The following ENG variants were observed in gnomAD, a reference collection of about 807,000 sequenced individuals.
The protein encoded by ENG is endoglin, also known as CD105 antigen.
In ENG, 17 loss-of-function variants were observed where a neutral mutation model predicts 71.0. The observed-to-expected ratio is 0.24, with a 90% CI of 0.16 to 0.36. The LOEUF (loss-of-function observed/expected upper bound fraction) is 0.36. ENG is among the 10% of genes least tolerant of loss of function. The pLI, the probability that ENG is intolerant of heterozygous loss-of-function variation, is 1.00. For missense variants in ENG, 749 were observed against 868.3 expected, an observed-to-expected ratio of 0.86 and a Z score of 1.73; for synonymous variants, 360 against 366.9, an observed-to-expected ratio of 0.98 and a Z score of 0.21.
intron 2 of ENG, 55 bp downstream of exon 2, chr9:127,843,039 A>T (rs1227609204): frequency 1.2e-6 from 2 of 1,612,074 alleles, no homozygotes; most frequent in Admixed American, 3.3e-5. Context: ...CCCTCACCCC[A>T]TCTGCCTTGG....
chr9:127,828,504 C>T (rs1791615800), intron 3 of ENG, among the ~76,000 whole-genome samples: 1 of 152,202 alleles, frequency 6.6e-6, no homozygotes, highest in Non-Finnish European at 1.5e-5. Flanking sequence ...CCGGCGGCTA[C>T]TGCGACCTTC....
At chr9:127,824,655 A>T in intron 7 of ENG, 145 bp downstream of exon 7, 1 of 1,125,758 alleles carries the variant, frequency 8.9e-7, no homozygotes, top group African/African-American at 1.6e-5. Context: ...AGCTACTCCC[A>T]TTGTTCCCAT....
chr9:127,841,447 G>A (rs1223168385), intron 2 of ENG, among the ~76,000 whole-genome samples: 4 of 151,474 alleles, frequency 2.6e-5, no homozygotes, highest in East Asian at 1.9e-4. Context: ...CAAACAATGC[G>A]AACTAACAGA....
intron 3 of ENG, 61 bp downstream of exon 3, chr9:127,829,626 T>C (rs1830709849): frequency 6.2e-7 from 1 of 1,606,840 alleles, no homozygotes. Context: ...CCCACAGAGA[T>C]GGACAGTAGG....
chr9:127,825,515 G>GCCA (rs1330596769), intron 5 of ENG, among the ~76,000 whole-genome samples, 158 bp from the exon 6 acceptor site: 6 of 151,454 alleles, frequency 4.0e-5, no homozygotes, highest in African/African-American at 1.5e-4. Flanking sequence ...CAAAGGGAAG[G>GCCA]GGCCCATAGG....
chr9:127,819,582 C>T, intron 10 of ENG, 40 bp downstream of exon 10: 1 of 1,611,982 alleles, frequency 6.2e-7, no homozygotes. Flanking sequence ...CAGCAGCAGC[C>T]CCTGGGCCAG....
chr9:127,850,325 G>A (rs1203035248), intron 1 of ENG, among the ~76,000 whole-genome samples: 2 of 152,238 alleles, frequency 1.3e-5, no homozygotes, highest in Admixed American at 6.5e-5. Context: ...TGACATGCTG[G>A]GGACAGAGGA....
intron 3 of ENG, among the ~76,000 whole-genome samples, chr9:127,828,341 A>G (rs1202314817): frequency 6.6e-6 from 1 of 152,156 alleles, no homozygotes; most frequent in East Asian, 1.9e-4. Flanking sequence ...AAATGGGGAT[A>G]CAGCAGGGCA....
At chr9:127,830,987 C>A (rs1298136102) in intron 2 of ENG, among the ~76,000 whole-genome samples, 1 of 151,866 alleles carries the variant, frequency 6.6e-6, no homozygotes, top group African/African-American at 2.4e-5. Context: ...TGAGACGTAC[C>A]CACTGCATTA....
intron 1 of ENG, chr9:127,847,043 CCTCT>C (rs41536544): frequency 0.019 from 12,293 of 655,620 alleles, 153 homozygotes; most frequent in South Asian, 0.025. Context: ...AGAAGCCTAA[CCTCT>C]CTGAGCCTCA....
At chr9:127,852,043 T>G (rs1831297330) in intron 1 of ENG, among the ~76,000 whole-genome samples, 1 of 152,252 alleles carries the variant, frequency 6.6e-6, no homozygotes, top group Non-Finnish European at 1.5e-5. Context: ...TTTGGGCACC[T>G]AACAGTGTGT....
intron 3 of ENG, among the ~76,000 whole-genome samples, chr9:127,827,720 T>C (rs1830656949): frequency 1.3e-5 from 2 of 152,064 alleles, no homozygotes; most frequent in South Asian, 4.1e-4. Context: ...ACTCCTGGCC[T>C]CAAGAGACCC....
chr9:127,844,121 ATTTAT>A (rs567119255), intron 1 of ENG, among the ~76,000 whole-genome samples: 103 of 144,620 alleles, frequency 7.1e-4, no homozygotes, highest in Middle Eastern at 3.7e-3. Context: ...ATTTTTTATT[ATTTAT>A]TTTATTTTAT....
At chr9:127,816,661 G>C (rs1830325034) in intron 13 of ENG, 1 of 247,888 alleles carries the variant, frequency 4.0e-6, no homozygotes, top group East Asian at 1.0e-4. Context: ...CAAAGAGGTA[G>C]GTGCCCCCAT....
At position 127,854,335 on chromosome 9, in the gene ENG, A is replaced by G; in HGVS notation, c.21T>C (p.Pro7=). 6.3e-7 allele frequency: 1 copy of G among 1,595,390 alleles called. No homozygotes were observed. Among genetic ancestry groups the G allele is most frequent in the Non-Finnish European group, 8.5e-7 (1 of 1,171,606 alleles). MDRGTL[P]LAVALLLASC... ...TGGCCAGCAGCAGGGCAACAGCCAG[A>G]GGGAGCGTGCCGCGGTCCATGCTGT... is the stretch of plus-strand genomic sequence containing the variant. Residue 7 remains proline (P), a synonymous_variant, in exon 1 of 15, where the codon CCT becomes CCC. Transcript: ENST00000373203.
intron 1 of ENG, among the ~76,000 whole-genome samples, chr9:127,849,615 G>C (rs1004651363): frequency 2.0e-5 from 3 of 152,182 alleles, no homozygotes; most frequent in Non-Finnish European, 2.9e-5. Context: ...ACAGAGCAGG[G>C]CATAGATGGG....
intron 2 of ENG, among the ~76,000 whole-genome samples, chr9:127,831,924 T>C (rs1263429731): frequency 1.3e-5 from 2 of 151,396 alleles, no homozygotes; most frequent in African/African-American, 2.4e-5. Flanking sequence ...CTTTGTTTGT[T>C]TTTTGAGACA....
At chr9:127,845,864 G>A (rs1399123227) in intron 1 of ENG, among the ~76,000 whole-genome samples, 2 of 152,046 alleles carry the variant, frequency 1.3e-5, no homozygotes, top group Non-Finnish European at 2.9e-5. Flanking sequence ...GCGCCACCAC[G>A]CCTGGCTAAT....
chr9:127,839,927 C>A (rs1001301442), intron 2 of ENG, among the ~76,000 whole-genome samples: 1 of 152,126 alleles, frequency 6.6e-6, no homozygotes, highest in Admixed American at 6.5e-5. Flanking sequence ...ATTCTGTAAA[C>A]GGTAACAACC....
Sources: gnomAD v4.1 joint callset for allele counts (sites outside exome capture counted in the v4.1 genomes callset) on GRCh38, gnomAD v4.1.1 for gene constraint, MANE v1.5 for transcripts, NCBI Gene and HGNC (gene_info 2026-07-23, HGNC 2026-07-21) for gene names.